SCGN: variants seen among roughly 807,000 people sequenced by gnomAD.
SCGN encodes secretagogin, EF-hand calcium binding protein.
A neutral mutation model predicts 39.7 loss-of-function variants in SCGN; 30 were observed. The observed-to-expected ratio is 0.76, with a 90% CI of 0.57 to 1.03. The LOEUF (loss-of-function observed/expected upper bound fraction) is 1.03. SCGN is among the 50% of genes least tolerant of loss of function. The pLI is 0.00. For synonymous variants in SCGN, 106 were observed against 114.1 expected, an observed-to-expected ratio of 0.93 and a Z score of 0.45; for missense variants, 353 against 349.4, an observed-to-expected ratio of 1.01 and a Z score of -0.08.
At chr6:25,668,700 A>AGATATACTTGGGACAGGCT (rs541627074) in intron 4 of SCGN, among the ~76,000 whole-genome samples, 1,778 of 152,222 alleles carry the variant, frequency 0.012, 27 homozygotes, top group African/African-American at 0.036. Flanking sequence ...AGGGACAGGC[A>AGATATACTTGGGACAGGCT]GACATACTTG....
In SCGN at chr6:25,689,230, A is replaced by G. The variant is rs750613152; in HGVS notation, c.573+13A>G. ...ATTTAAAATGGATGTAAGTAGTGAC[A>G]TTTCTCTAGATGGGTTTATGTCATT... On this transcript the variant is annotated intron_variant, in intron 8 of 10. Transcript: ENST00000377961. The G allele has an allele frequency of 6.4e-6, 10 of 1,560,116 alleles. No homozygotes were observed.
At chr6:25,659,661 C>T (rs1407182063) in intron 2 of SCGN, among the ~76,000 whole-genome samples, 1 of 152,080 alleles carries the variant, frequency 6.6e-6, no homozygotes, top group African/African-American at 2.4e-5. Flanking sequence ...GAGTATTAGT[C>T]TTCATATGTT....
At chr6:25,666,410 A>T (rs576658144) in intron 4 of SCGN, among the ~76,000 whole-genome samples, 4 of 152,190 alleles carry the variant, frequency 2.6e-5, no homozygotes, top group Admixed American at 1.3e-4. Flanking sequence ...TTAAAATCAG[A>T]TGTAGACAAA....
At chr6:25,657,506 G>C (rs1760248294) in intron 2 of SCGN, among the ~76,000 whole-genome samples, 1 of 152,032 alleles carries the variant, frequency 6.6e-6, no homozygotes, top group South Asian at 2.1e-4. Context: ...CAACATATAT[G>C]TTCTTATGCT....
intron 9 of SCGN, among the ~76,000 whole-genome samples, chr6:25,689,773 G>A (rs1376584837): frequency 6.6e-6 from 1 of 151,990 alleles, no homozygotes; most frequent in Non-Finnish European, 1.5e-5. Flanking sequence ...GACTCCTTGG[G>A]CCTAAACTAT....
chr6:25,699,589 CAAAAAAAAAA>C (rs35915067), intron 10 of SCGN, among the ~76,000 whole-genome samples: 3 of 53,828 alleles, frequency 5.6e-5, no homozygotes, highest in African/African-American at 6.7e-5. Flanking sequence ...AACTCTGTCT[CAAAAAAAAAA>C]AAAAAAAAAA....
At chr6:25,692,498 C>G (rs1222982495) in intron 10 of SCGN, among the ~76,000 whole-genome samples, 2 of 152,182 alleles carry the variant, frequency 1.3e-5, no homozygotes, top group Non-Finnish European at 2.9e-5. Context: ...CTTCCATGTC[C>G]CACACATACA....
At chr6:25,676,257 T>C (rs566027915) in intron 6 of SCGN, among the ~76,000 whole-genome samples, 1 of 152,338 alleles carries the variant, frequency 6.6e-6, no homozygotes, top group East Asian at 1.9e-4. Flanking sequence ...TTCCTGTCTC[T>C]TACCATCTCT....
Position 25,652,430 on chromosome 6 carries a change from G to C in SCGN, c.27G>C (p.Leu9=). ...TGGACAGCTCCCGGGAACCGACTCT[G>C]GGGCGCTTGGACGCCGCTGGCTTCT... MDSSREPT[L]GRLDAAGFWQ... is the part of the protein sequence containing the mutation. Residue 9 remains leucine (L), a synonymous_variant, in exon 1 of 11, where the codon CTG becomes CTC. Transcript: ENST00000377961. 1 of 1,614,120 alleles carries C rather than the reference G, an allele frequency of 6.2e-7. No homozygotes were observed. Among genetic ancestry groups the C allele is most frequent in the Non-Finnish European group, 8.5e-7 (1 of 1,180,012 alleles).
At chr6:25,695,395 C>T (rs1759825836) in intron 10 of SCGN, among the ~76,000 whole-genome samples, 1 of 152,074 alleles carries the variant, frequency 6.6e-6, no homozygotes, top group African/African-American at 2.4e-5. Context: ...CCCCCTCCAC[C>T]TTTTTTTGTC....
intron 2 of SCGN, among the ~76,000 whole-genome samples, chr6:25,656,460 G>A (rs1041257026): frequency 3.9e-5 from 6 of 152,288 alleles, no homozygotes; most frequent in Middle Eastern, 3.4e-3. Flanking sequence ...GGAGGGGATT[G>A]ACTTAATGGA....
chr6:25,674,008 C>T (rs1759534223), intron 6 of SCGN, among the ~76,000 whole-genome samples: 1 of 152,180 alleles, frequency 6.6e-6, no homozygotes, highest in Non-Finnish European at 1.5e-5. Context: ...ATGCCACACA[C>T]TTTTAAACAA....
chr6:25,668,546 G>A (rs1165197431), intron 4 of SCGN, among the ~76,000 whole-genome samples: 1 of 152,196 alleles, frequency 6.6e-6, no homozygotes, highest in African/African-American at 2.4e-5. Flanking sequence ...ATTTTTTAAA[G>A]TTCATCTTTC....
At chr6:25,653,328 T>C (rs111333269) in intron 1 of SCGN, 54 bp from the exon 2 acceptor site, 34 of 1,148,788 alleles carry the variant, frequency 3.0e-5, no homozygotes, top group African/African-American at 1.7e-5. Context: ...AGATAAATAC[T>C]GTCATGTGTT....
intron 6 of SCGN, among the ~76,000 whole-genome samples, chr6:25,670,744 G>C (rs1362186913): frequency 6.6e-6 from 1 of 152,196 alleles, no homozygotes; most frequent in Non-Finnish European, 1.5e-5. Context: ...AAGTGACCTT[G>C]AGACTATTTT....
rs114791122 is a variant in SCGN at position 25,663,920 on chromosome 6, T to G, written c.247-1023T>G. On this transcript the variant is annotated intron_variant, in intron 3 of 10. Coordinates refer to ENST00000377961, the MANE Select transcript of SCGN (RefSeq NM_006998.4). ...TACACCTAAATCCCTTCTGGAGCAT[T>G]TGCTGTGGACTCACTCTGTGGTATT... 6.3e-3 allele frequency among the ~76,000 whole-genome samples: 967 copies of G among 152,308 alleles called. 5 individuals carry two copies. Among genetic ancestry groups the G allele is most frequent in the Middle Eastern group, 0.031 (9 of 294 alleles).
chr6:25,689,151 T>A (rs184907610), intron 7 of SCGN, 21 bp from the exon 8 acceptor site: 1 of 49,170 alleles, frequency 2.0e-5, no homozygotes, highest in Non-Finnish European at 2.7e-5. Flanking sequence ...CTTACGTGGA[T>A]TTTTTTTTTT....
intron 10 of SCGN, among the ~76,000 whole-genome samples, chr6:25,694,919 A>C (rs1388286252): frequency 6.6e-6 from 1 of 152,220 alleles, no homozygotes; most frequent in Non-Finnish European, 1.5e-5. Flanking sequence ...ACAAATCAGT[A>C]TTTGGAATTT....
chr6:25,690,991 A>C, intron 9 of SCGN, 65 bp from the exon 10 acceptor site: 3 of 1,249,784 alleles, frequency 2.4e-6, no homozygotes, highest in Non-Finnish European at 3.5e-6. Context: ...TATTTACCTA[A>C]GTTATTGCCT....
Sources: gnomAD v4.1 joint callset for allele counts (sites outside exome capture counted in the v4.1 genomes callset) on GRCh38, gnomAD v4.1.1 for gene constraint, MANE v1.5 for transcripts, NCBI Gene and HGNC (gene_info 2026-07-23, HGNC 2026-07-21) for gene names.